The following SLC4A10 variants were observed in gnomAD, a reference collection of about 807,000 sequenced individuals.
The protein encoded by SLC4A10 is sodium-driven chloride bicarbonate exchanger.
In SLC4A10, 42 loss-of-function variants were observed where a neutral mutation model predicts 137.7. That is an observed-to-expected ratio of 0.30 (90% confidence interval 0.24 to 0.39). SLC4A10 has a LOEUF of 0.39. Ranked by LOEUF, SLC4A10 falls within the 10% of genes least tolerant of loss-of-function variation. The pLI is 1.00. For missense variants in SLC4A10, 925 were observed against 1,355.0 expected (o/e 0.68, Z 4.98); for synonymous variants, 474 against 464.1 (o/e 1.02, Z -0.27).
At chr2:161,648,864 G>A (rs2036422777) in intron 1 of SLC4A10, among the ~76,000 whole-genome samples, 1 of 151,978 alleles carries the variant, frequency 6.6e-6, no homozygotes, top group Admixed American at 6.6e-5. Context: ...CTATTGATGG[G>A]CATTTAGGTC....
intron 1 of SLC4A10, among the ~76,000 whole-genome samples, chr2:161,756,443 C>T (rs1304687480): frequency 6.6e-6 from 1 of 152,106 alleles, no homozygotes; most frequent in African/African-American, 2.4e-5. Flanking sequence ...TATTGCATAA[C>T]AACTGTAAAT....
chr2:161,624,543 C>G lies in SLC4A10; in HGVS notation c.25C>G (p.Gln9Glu). 6.4e-7 allele frequency: 1 copy of G among 1,553,744 alleles called. No individual in the cohort carries two copies. Among genetic ancestry groups the G allele is most frequent in the Non-Finnish European group, 8.7e-7 (1 of 1,148,342 alleles). The change falls in exon 1 of 27, where the codon CAA (glutamine) becomes GAA (glutamate). Residue 9 changes from glutamine (Q) to glutamate (E), a missense_variant. By Grantham distance (29) the Gln-to-Glu change is conservative (BLOSUM62 2). Coordinates refer to ENST00000446997, the MANE Select transcript of SLC4A10 (RefSeq NM_001178015.2). ...CATGGAGATTAAAGACCAGGGAGCC[C>G]AAATGGAGCCGCTGCTGCCTACGGT... MEIKDQGA[Q>E]MEPLLPTRND...
At chr2:161,776,165 G>A (rs1041641037) in intron 2 of SLC4A10, among the ~76,000 whole-genome samples, 33 of 151,972 alleles carry the variant, frequency 2.2e-4, no homozygotes, top group African/African-American at 3.4e-4. Flanking sequence ...CCACACTGAT[G>A]CATACTTTAG....
chr2:161,935,065 T>C (rs547754025), intron 15 of SLC4A10, among the ~76,000 whole-genome samples: 6 of 152,222 alleles, frequency 3.9e-5, no homozygotes, highest in Non-Finnish European at 7.3e-5. Context: ...TTTTTAAATA[T>C]GGTGTGAGAT....
intron 1 of SLC4A10, among the ~76,000 whole-genome samples, chr2:161,754,826 T>G (rs2049417150): frequency 6.6e-6 from 1 of 152,176 alleles, no homozygotes. Flanking sequence ...TAAAAGAGCT[T>G]TTATTCATTG....
At chr2:161,864,456 G>A (rs2060618847) in intron 6 of SLC4A10, among the ~76,000 whole-genome samples, 1 of 151,864 alleles carries the variant, frequency 6.6e-6, no homozygotes, top group Non-Finnish European at 1.5e-5. Flanking sequence ...AAAAATATAG[G>A]GTAAATGCTT....
In SLC4A10 at chr2:161,879,221, G is replaced by A. The variant is rs2061607469; in HGVS notation, c.1039G>A (p.Val347Ile). The change falls in exon 9 of 27, where the codon GTT (valine) becomes ATT (isoleucine). Residue 347 changes from valine to isoleucine, a missense_variant. By Grantham distance (29) the Val-to-Ile change is conservative. Transcript: ENST00000446997. The part of the protein sequence containing the change: ...GELEFLDRTV[V>I]AFVRLSPAVL... The stretch of plus-strand genomic sequence containing the variant: ...ACTGGAGTTCTTGGATCGAACAGTA[G>A]TTGCGTTTGTCAGGTTGTCTCCAGC... 1 of 1,613,260 alleles carries A rather than the reference G, an allele frequency of 6.2e-7. No individual in the cohort carries two copies. Among genetic ancestry groups the A allele is most frequent in the South Asian group, 1.1e-5 (1 of 91,052 alleles).
Position 161,983,775 on chromosome 2 carries a change from T to A in SLC4A10, c.*623T>A, listed in dbSNP as rs945476011. The A allele has an allele frequency of 5.3e-5, 8 of 152,306 alleles. No individual in the cohort carries two copies. Among genetic ancestry groups the A allele is most frequent in the African/African-American group, 1.9e-4 (8 of 41,472 alleles). 9.4% of individuals were successfully genotyped at this position (152,306 alleles called of 1,614,324 possible). ...TAAATTTAATACTTAACAATTTATA[T>A]GTAACTAAAACTTAAAGTCATTTGA... On this transcript the variant is annotated 3_prime_UTR_variant, in exon 27 of 27. Transcript: ENST00000446997.
At chr2:161,761,603 C>A (rs113631049) in intron 1 of SLC4A10, among the ~76,000 whole-genome samples, 6 of 152,060 alleles carry the variant, frequency 3.9e-5, no homozygotes, top group Non-Finnish European at 8.8e-5. Flanking sequence ...ATGCAGGTTT[C>A]GCTACCCTTT....
At chr2:161,764,373 T>G (rs1166408690) in intron 1 of SLC4A10, among the ~76,000 whole-genome samples, 1 of 151,838 alleles carries the variant, frequency 6.6e-6, no homozygotes, top group African/African-American at 2.4e-5. Context: ...TCAATGAAAG[T>G]GGAGGTTTAT....
rs574482342 is a variant in SLC4A10 at position 161,660,556 on chromosome 2, ATTTCTTTCTTTCTTTCTTTC to A, written c.48+36041_48+36060del. On this transcript the variant is annotated intron_variant, in intron 1 of 26. Coordinates refer to ENST00000446997, the MANE Select transcript of SLC4A10 (RefSeq NM_001178015.2). ...ATTAATAGTTTGTGTACTCATCTAT[ATTTCTTTCTTTCTTTCTTTC>A]TTTCTTTCTTTCTTTCTTTCTTTCT... Among the ~76,000 whole-genome samples the A allele has an allele frequency of 5.7e-3, 628 of 110,426 alleles. 5 individuals carry two copies. Among genetic ancestry groups the A allele is most frequent in the Non-Finnish European group, 7.0e-3 (394 of 55,888 alleles). 72.4% of individuals were successfully genotyped at this position (110,426 alleles called of 152,430 possible).
intron 1 of SLC4A10, among the ~76,000 whole-genome samples, chr2:161,677,044 A>G (rs763790834): frequency 5.9e-5 from 9 of 152,092 alleles, no homozygotes; most frequent in Non-Finnish European, 1.3e-4. Context: ...TTTGATCCCC[A>G]GTATTGAAAG....
chr2:161,928,624 A>G (rs1055032444), intron 15 of SLC4A10, among the ~76,000 whole-genome samples: 10 of 150,276 alleles, frequency 6.7e-5, no homozygotes, highest in African/African-American at 2.2e-4. Flanking sequence ...AAGAGCAAAA[A>G]TAAAATCATA....
chr2:161,886,912 G>T (rs1327832620), intron 10 of SLC4A10, among the ~76,000 whole-genome samples: 1 of 151,928 alleles, frequency 6.6e-6, no homozygotes, highest in Non-Finnish European at 1.5e-5. Context: ...ATCTACATTA[G>T]GTATTTCTCC....
intron 15 of SLC4A10, among the ~76,000 whole-genome samples, chr2:161,940,892 G>A (rs547436821): frequency 3.3e-5 from 5 of 152,034 alleles, no homozygotes; most frequent in East Asian, 1.9e-4. Flanking sequence ...TTACTTGAGC[G>A]CAGGAGTTTG....
At chr2:161,646,098 A>G (rs2035992393) in intron 1 of SLC4A10, among the ~76,000 whole-genome samples, 1 of 152,054 alleles carries the variant, frequency 6.6e-6, no homozygotes, top group African/African-American at 2.4e-5. Context: ...AAAGGTTTTC[A>G]GCTTCTAGTG....
At chr2:161,945,845 G>C (rs1305510093) in intron 16 of SLC4A10, among the ~76,000 whole-genome samples, 1 of 151,886 alleles carries the variant, frequency 6.6e-6, no homozygotes, top group Non-Finnish European at 1.5e-5. Flanking sequence ...TGTCATCTAT[G>C]TTCTTAAGAA....
chr2:161,683,252 G>A (rs1226739377), intron 1 of SLC4A10, among the ~76,000 whole-genome samples: 1 of 152,080 alleles, frequency 6.6e-6, no homozygotes, highest in Non-Finnish European at 1.5e-5. Flanking sequence ...AGAACATTGA[G>A]GTACAAGGAC....
intron 19 of SLC4A10, 37 bp from the exon 20 acceptor site, chr2:161,956,950 GAC>G (rs1695776622): frequency 2.0e-6 from 3 of 1,531,258 alleles, no homozygotes; most frequent in African/African-American, 1.4e-5. Context: ...CCCTGTTATT[GAC>G]ACAGTTTCTT....
Sources: gnomAD v4.1 joint callset for allele counts (sites outside exome capture counted in the v4.1 genomes callset) on GRCh38, gnomAD v4.1.1 for gene constraint, MANE v1.5 for transcripts, NCBI Gene and HGNC (gene_info 2026-07-23, HGNC 2026-07-21) for gene names.